SLCO1A2: variants seen among roughly 807,000 people sequenced by gnomAD.
The protein encoded by SLCO1A2 is solute carrier organic anion transporter family member 1A2.
SLCO1A2 carries 67 observed loss-of-function variants against 69.0 expected under a neutral mutation model. That is an observed-to-expected ratio of 0.97 (90% CI 0.80 to 1.19). The LOEUF is 1.19. Among genes scored for constraint, SLCO1A2 ranks in the 50% most tolerant of loss-of-function variants. The probability of loss-of-function intolerance (pLI) is 0.00; values close to 1 mark genes in which losing one functional copy is unlikely to be tolerated. For missense variants in SLCO1A2, 787 were observed against 793.7 expected, an observed-to-expected ratio of 0.99 and a Z score of 0.10; for synonymous variants, 260 against 265.9, an observed-to-expected ratio of 0.98 and a Z score of 0.22.
At position 21,269,831 on chromosome 12, in the gene SLCO1A2, GTA is replaced by G; in HGVS notation, c.1794-66_1794-65del. 4.1e-6 allele frequency: 5 copies of G among 1,214,410 alleles called. No individual in the cohort carries two copies. In the South Asian group the frequency reaches 9.4e-5, roughly 23 times the overall value. The allele number at this position is 1,214,410 out of a possible 1,614,324, so 75.2% of individuals were successfully genotyped here. Reference sequence around the variant, plus strand: ...AGTGTGGTTAGTGCAAACTAAATTTGTATATCTTTGTATTTTATTCTGATAAA... The same window carrying G: ...AGTGTGGTTAGTGCAAACTAAATTTGTATCTTTGTATTTTATTCTGATAAA... On this transcript the variant is annotated intron_variant, in intron 14 of 14. Transcript: ENST00000683939.
chr12:21,300,233 T>C (rs1948532801), intron 8 of SLCO1A2, 115 bp downstream of exon 8: 3 of 658,294 alleles, frequency 4.6e-6, no homozygotes, highest in African/African-American at 3.7e-5. Context: ...CTGGTGACTG[T>C]TGATGACAAA....
intron 2 of SLCO1A2, among the ~76,000 whole-genome samples, chr12:21,356,198 G>T (rs905593561): frequency 6.6e-6 from 1 of 151,906 alleles, no homozygotes; most frequent in African/African-American, 2.4e-5. Context: ...TTAAATGATG[G>T]TTTATGTAAG....
intron 2 of SLCO1A2, chr12:21,373,471 A>G (rs1413753287): frequency 2.2e-6 from 3 of 1,350,616 alleles, no homozygotes; most frequent in South Asian, 2.3e-5. Context: ...TAACTTTTGT[A>G]AAGTGTGAGA....
At chr12:21,355,970 A>C (rs965275265) in intron 2 of SLCO1A2, among the ~76,000 whole-genome samples, 9 of 152,168 alleles carry the variant, frequency 5.9e-5, no homozygotes, top group African/African-American at 2.2e-4. Flanking sequence ...AGCATATCAG[A>C]TACAGATGAA....
chr12:21,345,898 C>G (rs534079415), intron 2 of SLCO1A2, among the ~76,000 whole-genome samples: 3 of 151,868 alleles, frequency 2.0e-5, no homozygotes, highest in Admixed American at 1.3e-4. Flanking sequence ...AGGCTTATTG[C>G]TTTTTTGTGA....
At chr12:21,380,020 C>T (rs1940488432) in intron 1 of SLCO1A2, 1 of 151,920 alleles carries the variant, frequency 6.6e-6, no homozygotes, top group Non-Finnish European at 1.5e-5. Flanking sequence ...TCAAAGTGGC[C>T]TCAAACCCAA....
chr12:21,286,971 C>G (rs1337227306), intron 12 of SLCO1A2, among the ~76,000 whole-genome samples: 19 of 149,782 alleles, frequency 1.3e-4, no homozygotes, highest in Admixed American at 3.3e-4. Context: ...ATGTCCAAAA[C>G]ACCAAAAGCA....
chr12:21,346,746 C>T (rs1293041274), intron 2 of SLCO1A2, among the ~76,000 whole-genome samples: 1 of 152,194 alleles, frequency 6.6e-6, no homozygotes, highest in African/African-American at 2.4e-5. Flanking sequence ...ACTGTCTGCT[C>T]TACTCCCCCA....
chr12:21,310,649 T>C (rs897135982), intron 4 of SLCO1A2, among the ~76,000 whole-genome samples: 18 of 152,380 alleles, frequency 1.2e-4, no homozygotes, highest in African/African-American at 4.3e-4. Context: ...TCGCCCAGGC[T>C]GGAGTGCAAG....
At chr12:21,300,189 C>T (rs533992375) in intron 8 of SLCO1A2, among the ~76,000 whole-genome samples, 159 bp downstream of exon 8, 8 of 151,670 alleles carry the variant, frequency 5.3e-5, no homozygotes, top group African/African-American at 1.9e-4. Context: ...CAAGTAGTAC[C>T]ATAGGAAGAA....
chr12:21,339,009 T>G (rs539392574), upstream of SLCO1A2, among the ~76,000 whole-genome samples: 1 of 152,140 alleles, frequency 6.6e-6, no homozygotes, highest in Non-Finnish European at 1.5e-5. Context: ...TTTGAGCCTA[T>G]TCCTCATCTC....
chr12:21,362,063 C>T (rs35145133), intron 2 of SLCO1A2, among the ~76,000 whole-genome samples: 14,281 of 151,960 alleles, frequency 0.094, 1,057 homozygotes, highest in East Asian at 0.4. Flanking sequence ...AGATACTCCT[C>T]GAGAAGAGAA....
rs1448577161 is a variant in SLCO1A2, at chr12:21,269,607, T to C, written c.1954A>G (p.Lys652Glu). ...TKVKGKENEC[K>E]DIYQKSTVLK... ...ACCGTGGACTTTTGGTATATATCTT[T>C]GCACTCATTTTCCTTCCCTTTGACT... Residue 652 changes from lysine to glutamate, a missense_variant, in exon 15 of 15, where the codon AAA (lysine) becomes GAA (glutamate). Lys to Glu is a moderately conservative substitution (Grantham distance 56, BLOSUM62 1). Transcript: ENST00000683939. 2 of 1,612,570 alleles carry C rather than the reference T, an allele frequency of 1.2e-6. No individual in the cohort carries two copies. Among genetic ancestry groups the C allele is most frequent in the South Asian group, 1.1e-5 (1 of 91,038 alleles).
At chr12:21,394,727 G>A (rs1299693225) in intron 1 of SLCO1A2, among the ~76,000 whole-genome samples, 1 of 152,014 alleles carries the variant, frequency 6.6e-6, no homozygotes, top group Non-Finnish European at 1.5e-5. Context: ...CTGGTCCTGG[G>A]GAATAGTAAA....
intron 12 of SLCO1A2, among the ~76,000 whole-genome samples, chr12:21,287,358 A>G (rs1435774224): frequency 1.7e-3 from 187 of 109,878 alleles, no homozygotes; most frequent in African/African-American, 6.4e-3. Context: ...AAGTCAGGAA[A>G]CAACAGGTGC....
chr12:21,319,562 A>G (rs2136788994), intron 2 of SLCO1A2: 2 of 939,378 alleles, frequency 2.1e-6, no homozygotes, highest in South Asian at 1.3e-5. Flanking sequence ...AGGACAGAGT[A>G]TTTTCAGGGT....
chr12:21,306,397 A>G (rs1454725134), intron 5 of SLCO1A2, among the ~76,000 whole-genome samples: 2 of 151,708 alleles, frequency 1.3e-5, no homozygotes, highest in Non-Finnish European at 2.9e-5. Flanking sequence ...GCAATCTTGG[A>G]TCACTGCAAC....
intron 2 of SLCO1A2, among the ~76,000 whole-genome samples, chr12:21,346,209 T>C (rs1418137127): frequency 2.6e-5 from 4 of 152,162 alleles, no homozygotes; most frequent in Non-Finnish European, 5.9e-5. Context: ...AGAAGCCATA[T>C]ACAAAATCAC....
At chr12:21,350,694 G>A (rs865900054) in intron 2 of SLCO1A2, among the ~76,000 whole-genome samples, 45 of 151,572 alleles carry the variant, frequency 3.0e-4, no homozygotes, top group Middle Eastern at 3.4e-3. Context: ...AAAATTAGCC[G>A]GGCGTGGTGG....
Sources: gnomAD v4.1 joint callset for allele counts (sites outside exome capture counted in the v4.1 genomes callset) on GRCh38, gnomAD v4.1.1 for gene constraint, MANE v1.5 for transcripts, NCBI Gene and HGNC (gene_info 2026-07-23, HGNC 2026-07-21) for gene names.